The following KHDRBS2 variants were observed in gnomAD, a reference collection of about 807,000 sequenced individuals.
KHDRBS2 encodes KH domain-containing, RNA-binding, signal transduction-associated protein 2.
KHDRBS2 carries 26 observed loss-of-function variants against 44.3 expected under a neutral mutation model. That is an observed-to-expected ratio of 0.59 (90% confidence interval 0.43 to 0.81). KHDRBS2 has a LOEUF of 0.81. Ranked by LOEUF, KHDRBS2 falls within the 40% of genes least tolerant of loss-of-function variation. KHDRBS2 has a pLI of 0.00. For missense variants in KHDRBS2, 476 were observed against 433.1 expected, an observed-to-expected ratio of 1.10 and a Z score of -0.88; for synonymous variants, 194 against 151.1, an observed-to-expected ratio of 1.28 and a Z score of -2.08.
intron 1 of KHDRBS2, among the ~76,000 whole-genome samples, chr6:62,180,176 G>A (rs577665870): frequency 2.6e-5 from 4 of 151,898 alleles, no homozygotes; most frequent in South Asian, 2.1e-4. Context: ...TCTATTCAAC[G>A]TACTACTGGA....
At chr6:61,710,533 T>G (rs1214939674) in intron 7 of KHDRBS2, among the ~76,000 whole-genome samples, 1 of 151,598 alleles carries the variant, frequency 6.6e-6, no homozygotes, top group Non-Finnish European at 1.5e-5. Context: ...ATACTCTGTA[T>G]CAAGGCATGG....
intron 4 of KHDRBS2, among the ~76,000 whole-genome samples, chr6:61,927,914 G>T (rs1809273272): frequency 6.6e-6 from 1 of 152,100 alleles, no homozygotes; most frequent in South Asian, 2.1e-4. Context: ...TATGAAAGCA[G>T]ATAATTATTG....
intron 2 of KHDRBS2, among the ~76,000 whole-genome samples, chr6:62,059,780 G>A (rs571807648): frequency 2.0e-5 from 3 of 151,668 alleles, no homozygotes; most frequent in South Asian, 2.1e-4. Flanking sequence ...AATTGCTAAG[G>A]GAGAAGGATA....
At chr6:62,222,675 G>C (rs566010816) in intron 1 of KHDRBS2, among the ~76,000 whole-genome samples, 16 of 152,230 alleles carry the variant, frequency 1.1e-4, no homozygotes, top group African/African-American at 3.9e-4. Context: ...GCATTTCAAA[G>C]TCAATTGGCC....
At chr6:61,842,197 A>G (rs945314150) in intron 6 of KHDRBS2, among the ~76,000 whole-genome samples, 3 of 152,178 alleles carry the variant, frequency 2.0e-5, no homozygotes, top group Admixed American at 2.0e-4. Context: ...GCTGCCACCT[A>G]TGACAGAACA....
chr6:61,612,157 G>A, the KHDRBS2 span, among the ~76,000 whole-genome samples: 1 of 151,878 alleles, frequency 6.6e-6, no homozygotes, highest in Non-Finnish European at 1.5e-5. Context: ...TTCAAAGTTT[G>A]CTACAGTGAA....
intron 6 of KHDRBS2, among the ~76,000 whole-genome samples, chr6:61,843,169 G>A (rs1793848475): frequency 1.3e-5 from 2 of 151,932 alleles, no homozygotes; most frequent in African/African-American, 4.8e-5. Context: ...AGGGATTGGG[G>A]GCGGTGGAGG....
the KHDRBS2 span, among the ~76,000 whole-genome samples, chr6:61,628,547 T>C: frequency 6.6e-6 from 1 of 152,166 alleles, no homozygotes; most frequent in Admixed American, 6.5e-5. Flanking sequence ...CCAATTACTT[T>C]ACTCATTACT....
intron 4 of KHDRBS2, among the ~76,000 whole-genome samples, chr6:61,926,675 A>G (rs2127363309): frequency 6.6e-6 from 1 of 152,284 alleles, no homozygotes; most frequent in East Asian, 1.9e-4. Context: ...GATTATTGGT[A>G]ACATATATTC....
At chr6:61,877,061 A>G (rs985699219) in intron 6 of KHDRBS2, among the ~76,000 whole-genome samples, 6 of 152,056 alleles carry the variant, frequency 3.9e-5, no homozygotes, top group African/African-American at 9.7e-5. Flanking sequence ...TCATTTGCAT[A>G]TTGTGTATAG....
At chr6:62,027,173 T>C (rs1783515011) in intron 3 of KHDRBS2, among the ~76,000 whole-genome samples, 1 of 152,116 alleles carries the variant, frequency 6.6e-6, no homozygotes, top group African/African-American at 2.4e-5. Flanking sequence ...AGTGAGGGAA[T>C]AAAGCTGGAT....
At chr6:62,197,251 A>G (rs941876348) in intron 1 of KHDRBS2, among the ~76,000 whole-genome samples, 4 of 152,132 alleles carry the variant, frequency 2.6e-5, no homozygotes, top group African/African-American at 9.7e-5. Context: ...TCACAAGCTG[A>G]TGCAAATGGG....
At chr6:61,997,068 G>T (rs1310822776) in intron 3 of KHDRBS2, among the ~76,000 whole-genome samples, 1 of 151,986 alleles carries the variant, frequency 6.6e-6, no homozygotes, top group Non-Finnish European at 1.5e-5. Context: ...GGCATGAGCC[G>T]CCATGCCCAG....
the KHDRBS2 span, among the ~76,000 whole-genome samples, chr6:61,629,518 A>AATTT: frequency 6.6e-6 from 1 of 152,210 alleles, no homozygotes; most frequent in African/African-American, 2.4e-5. Context: ...CACTTAATAG[A>AATTT]AAGAGACATA....
At chr6:62,015,343 C>T (rs1781024587) in intron 3 of KHDRBS2, among the ~76,000 whole-genome samples, 1 of 152,104 alleles carries the variant, frequency 6.6e-6, no homozygotes, top group Non-Finnish European at 1.5e-5. Context: ...AGAGCTAGAG[C>T]CCAGCCCAGA....
At chr6:61,956,795 C>A (rs1410324039) in intron 4 of KHDRBS2, among the ~76,000 whole-genome samples, 3 of 152,124 alleles carry the variant, frequency 2.0e-5, no homozygotes, top group African/African-American at 7.2e-5. Flanking sequence ...GTGCCTTAAA[C>A]ACGTTTTAAA....
At chr6:62,107,808 G>A (rs142757382) in intron 2 of KHDRBS2, among the ~76,000 whole-genome samples, 2,215 of 152,096 alleles carry the variant, frequency 0.015, 20 homozygotes, top group Non-Finnish European at 0.02. Flanking sequence ...CAACTATCTG[G>A]TCTTTGACAA....
intron 6 of KHDRBS2, among the ~76,000 whole-genome samples, chr6:61,819,011 G>A (rs887925315): frequency 2.6e-5 from 4 of 151,962 alleles, no homozygotes; most frequent in African/African-American, 4.8e-5. Flanking sequence ...AGTTAGTTTA[G>A]TGAATAATTG....
At chr6:61,932,657 G>A (rs368294471) in intron 4 of KHDRBS2, among the ~76,000 whole-genome samples, 88 of 152,188 alleles carry the variant, frequency 5.8e-4, no homozygotes, top group African/African-American at 1.9e-3. Context: ...AAAATTAGCC[G>A]GGCGTGGTGG....
Sources: gnomAD v4.1 joint callset for allele counts (sites outside exome capture counted in the v4.1 genomes callset) on GRCh38, gnomAD v4.1.1 for gene constraint, MANE v1.5 for transcripts, NCBI Gene and HGNC (gene_info 2026-07-23, HGNC 2026-07-21) for gene names.